SMAP2: variants seen among roughly 807,000 people sequenced by gnomAD.
SMAP2 encodes the protein stromal membrane-associated protein 2.
A neutral mutation model predicts 56.4 loss-of-function variants in SMAP2; 25 were observed. The observed-to-expected ratio is 0.44, with a 90% CI of 0.32 to 0.62. SMAP2 has a LOEUF of 0.62. Among genes scored for constraint, SMAP2 ranks in the 20% least tolerant of loss-of-function variants. The pLI is 0.04. For synonymous variants in SMAP2, 157 were observed against 181.7 expected, an observed-to-expected ratio of 0.86 and a Z score of 1.09; for missense variants, 388 against 545.6, an observed-to-expected ratio of 0.71 and a Z score of 2.88.
intron 2 of SMAP2, among the ~76,000 whole-genome samples, chr1:40,365,600 G>A (rs951169125): frequency 1.3e-5 from 2 of 152,152 alleles, no homozygotes; most frequent in African/African-American, 4.8e-5. Flanking sequence ...GCAGAAGACC[G>A]GTGATTTCTG....
Position 40,374,620 on chromosome 1 carries a change from T to TGC in SMAP2, c.103+398_103+399insCG, listed in dbSNP as rs776196037. On this transcript the variant is annotated intron_variant, in intron 1 of 9. Coordinates refer to ENST00000372718, the MANE Select transcript of SMAP2 (RefSeq NM_022733.3). This position sits in a 1 kb window ranked among gnomAD's most constrained non-coding sequence, Gnocchi z 5.9. ...GCGTGTGTGTGTGTGTGTGTGTGTGTGTGTGAGAGAGAGAGAGAGAGAATG... is the reference window on the plus strand; with the variant it reads ...GCGTGTGTGTGTGTGTGTGTGTGTGTGCGTGTGAGAGAGAGAGAGAGAGAATG... The TGC allele has an allele frequency of 1.8e-4, 247 of 1,341,500 alleles. No homozygotes were observed. The African/African-American group carries it at 3.5e-3, about 19-fold the overall frequency. 83.1% of individuals were successfully genotyped at this position (1,341,500 alleles called of 1,614,324 possible). A position where few individuals can be genotyped will look rare whatever the true frequency, so the allele number is the denominator to read the frequency against.
chr1:40,345,851 A>ATAT (rs1644383139), intron 1 of SMAP2, among the ~76,000 whole-genome samples: 4 of 123,812 alleles, frequency 3.2e-5, no homozygotes, highest in African/African-American at 1.4e-4. Context: ...CTTTTCTCTT[A>ATAT]TATATTATAT....
At chr1:40,391,113 C>T (rs1275528899) in intron 1 of SMAP2, among the ~76,000 whole-genome samples, 7 of 152,112 alleles carry the variant, frequency 4.6e-5, no homozygotes, top group Admixed American at 6.6e-5. Flanking sequence ...CCCCTCTGCC[C>T]GTTGTGACAA....
chr1:40,418,818 A>G lies in SMAP2; in HGVS notation c.1164+1722A>G, dbSNP rs532963452. 2.6e-5 allele frequency among the ~76,000 whole-genome samples: 4 copies of G among 152,352 alleles called. No homozygotes were observed. The South Asian group carries it at 8.3e-4, about 32-fold the overall frequency. ...ATTTTACAACCAAGCCAGCCAAGCT[A>G]TCCTTCAGGTATCAAGGCTGTAAAA... On this transcript the variant is annotated intron_variant, in intron 9 of 9. Transcript: ENST00000372718.
At position 40,399,940 on chromosome 1, in the gene SMAP2, G is replaced by A. The variant is rs573283364; in HGVS notation, c.104-6796G>A. ...GGAGTTGATAATTGCTGAAGCTCATGGTTAATTATGCTCTGCTTTCGTTTG... is the reference window on the plus strand; with the variant it reads ...GGAGTTGATAATTGCTGAAGCTCATAGTTAATTATGCTCTGCTTTCGTTTG... On this transcript the variant is annotated intron_variant, in intron 1 of 9. Coordinates refer to ENST00000372718, the MANE Select transcript of SMAP2 (RefSeq NM_022733.3). Among the ~76,000 whole-genome samples, 16 of 152,296 alleles carry A rather than the reference G, an allele frequency of 1.1e-4. No individual in the cohort carries two copies. The East Asian group carries it at 3.1e-3, about 29-fold the overall frequency.
intron 1 of SMAP2, among the ~76,000 whole-genome samples, chr1:40,357,061 T>C (rs1301174923): frequency 6.6e-6 from 1 of 152,198 alleles, no homozygotes; most frequent in Non-Finnish European, 1.5e-5. Context: ...ATATTCTGTT[T>C]ATTAAGCCCT....
At chr1:40,417,261 T>C (rs1434966221) in intron 9 of SMAP2, among the ~76,000 whole-genome samples, 165 bp downstream of exon 9, 2 of 150,692 alleles carry the variant, frequency 1.3e-5, no homozygotes, top group Non-Finnish European at 3.0e-5. Context: ...AGAAGGTCTG[T>C]CTAAAGTCAG....
At chr1:40,354,452 C>A (rs1322856881) in intron 1 of SMAP2, among the ~76,000 whole-genome samples, 1 of 151,954 alleles carries the variant, frequency 6.6e-6, no homozygotes, top group Admixed American at 6.6e-5. Context: ...GATTCTCCTG[C>A]CTCAGTCTCC....
At chr1:40,400,255 C>T (rs1421772610) in intron 1 of SMAP2, among the ~76,000 whole-genome samples, 1 of 152,128 alleles carries the variant, frequency 6.6e-6, no homozygotes. Context: ...TGAGAGGCTG[C>T]GGAAGGAGGC....
chr1:40,367,859 G>A (rs1644484016), intron 2 of SMAP2, among the ~76,000 whole-genome samples: 1 of 102,482 alleles, frequency 9.8e-6, no homozygotes, highest in Non-Finnish European at 1.9e-5. Flanking sequence ...AATCAGAGCA[G>A]AACTGAAGAA....
chr1:40,359,197 G>T (rs559532168), intron 1 of SMAP2, among the ~76,000 whole-genome samples: 6 of 152,254 alleles, frequency 3.9e-5, no homozygotes, highest in African/African-American at 1.2e-4. Context: ...CTGTCTCCCA[G>T]GTTCCAGCAA....
At chr1:40,406,685 G>T in intron 1 of SMAP2, 51 bp from the exon 2 acceptor site, 2 of 1,564,398 alleles carry the variant, frequency 1.3e-6, no homozygotes, top group South Asian at 2.3e-5. Flanking sequence ...TGTAGTTTAG[G>T]CCTTGAATGT....
chr1:40,379,322 C>G (rs1234588973), intron 1 of SMAP2, among the ~76,000 whole-genome samples: 1 of 152,086 alleles, frequency 6.6e-6, no homozygotes, highest in Non-Finnish European at 1.5e-5. Flanking sequence ...TATGCATAGA[C>G]AAACAATTAC....
At chr1:40,359,049 T>G (rs1242424764) in intron 1 of SMAP2, among the ~76,000 whole-genome samples, 1 of 152,200 alleles carries the variant, frequency 6.6e-6, no homozygotes, top group Non-Finnish European at 1.5e-5. Context: ...TTTTTTGTTT[T>G]CATTGACATG....
intron 1 of SMAP2, among the ~76,000 whole-genome samples, chr1:40,360,150 G>T (rs1356615014): frequency 6.7e-6 from 1 of 149,344 alleles, no homozygotes; most frequent in African/African-American, 2.5e-5. Context: ...GGGACTACAG[G>T]TGCCCACCAC....
chr1:40,360,819 G>T (rs115838756), intron 1 of SMAP2, among the ~76,000 whole-genome samples: 1 of 152,190 alleles, frequency 6.6e-6, no homozygotes, highest in Non-Finnish European at 1.5e-5. Flanking sequence ...CTCACCAGAG[G>T]GGAATTGTCC....
At chr1:40,390,159 T>C (rs1412205497) in intron 1 of SMAP2, among the ~76,000 whole-genome samples, 1 of 152,234 alleles carries the variant, frequency 6.6e-6, no homozygotes, top group Admixed American at 6.5e-5. Flanking sequence ...TGATGACTGA[T>C]ATTCTGCACA....
chr1:40,393,332 C>A, intron 1 of SMAP2: 1 of 1,527,552 alleles, frequency 6.5e-7, no homozygotes, highest in South Asian at 1.2e-5. Context: ...AAAAACCCAA[C>A]AACAGAACAA....
In SMAP2 at chr1:40,406,870, G is replaced by T; in HGVS notation, c.237+1G>T. On this transcript the variant is annotated splice_donor_variant, in intron 2 of 9. Transcript: ENST00000372718. LOFTEE classifies it high-confidence loss of function. ...CCAGTGGACTCAAGAACAGATTCAG[G>T]TACTTAGCCCAAGAGTGAGTCAGCT... 1.2e-6 allele frequency: 2 copies of T among 1,611,922 alleles called. No individual in the cohort carries two copies. Among genetic ancestry groups the T allele is most frequent in the Non-Finnish European group, 1.7e-6 (2 of 1,178,538 alleles).
Sources: allele counts gnomAD v4.1 joint callset (sites outside exome capture counted in the v4.1 genomes callset), GRCh38; gene constraint gnomAD v4.1.1; non-coding constraint Gnocchi (gnomAD v3.1); transcripts MANE v1.5; gene names NCBI Gene and HGNC (gene_info 2026-07-23, HGNC 2026-07-21).